Variants in KAZN observed in about 807,000 individuals in gnomAD.
KAZN encodes kazrin, periplakin interacting protein, also known as kazrin.
In KAZN, 40 loss-of-function variants were observed where a neutral mutation model predicts 87.4. That is an observed-to-expected ratio of 0.46 (90% confidence interval 0.36 to 0.60). The LOEUF (loss-of-function observed/expected upper bound fraction) is 0.60, where lower values mean the gene tolerates loss of function less well. Ranked by LOEUF, KAZN falls within the 20% of genes least tolerant of loss-of-function variation. The pLI is 0.00. For missense variants in KAZN, 898 were observed against 1,073.9 expected (o/e 0.84, Z 2.29); for synonymous variants, 466 against 458.3 (o/e 1.02, Z -0.22).
intron 2 of KAZN, among the ~76,000 whole-genome samples, chr1:14,280,253 T>A (rs2100712331): frequency 6.6e-6 from 1 of 150,566 alleles, no homozygotes; most frequent in South Asian, 2.1e-4. Context: ...TCCCAGCTAC[T>A]CAGGAGGCTG....
intron 2 of KAZN, among the ~76,000 whole-genome samples, chr1:14,465,362 G>A (rs1668066176): frequency 7.6e-6 from 1 of 131,532 alleles, no homozygotes; most frequent in African/African-American, 2.9e-5. Flanking sequence ...TTGTGCCACT[G>A]CACTCCAGCC....
At chr1:14,483,031 A>AAGG (rs1417352587) in intron 2 of KAZN, among the ~76,000 whole-genome samples, 1 of 152,202 alleles carries the variant, frequency 6.6e-6, no homozygotes, top group African/African-American at 2.4e-5. Context: ...GAATATATGC[A>AAGG]AAGAGCTTTT....
chr1:14,093,344 C>T lies in KAZN; in HGVS notation c.92-87091C>T, dbSNP rs115155333. 4.7e-3 allele frequency among the ~76,000 whole-genome samples: 719 copies of T among 152,302 alleles called. 7 individuals are homozygous for T. Among genetic ancestry groups the T allele is most frequent in the Middle Eastern group, 6.8e-3 (2 of 294 alleles). ...CACCAACCCCTGTGCTATCTTACTC[C>T]GTTTCAAATGTCATCATTTACATTT... is the stretch of plus-strand genomic sequence containing the variant. On this transcript the variant is annotated intron_variant, in intron 1 of 16. Transcript: ENST00000636203.
chr1:14,535,818 A>G (rs1401930358), intron 2 of KAZN, among the ~76,000 whole-genome samples: 1 of 152,182 alleles, frequency 6.6e-6, no homozygotes, highest in Admixed American at 6.5e-5. Flanking sequence ...TGTCTATCAC[A>G]ATGTCAACAG....
At position 14,408,936 on chromosome 1, in the gene KAZN, G is replaced by A. The variant is rs74375334; in HGVS notation, c.250-190047G>A. ...GGGGGGCGTTGTTTTATGGAGATGGGGTCAGGAAGGATCTTGCAGAGGATA... is the reference window on the plus strand; with the variant it reads ...GGGGGGCGTTGTTTTATGGAGATGGAGTCAGGAAGGATCTTGCAGAGGATA... On this transcript the variant is annotated intron_variant, in intron 2 of 16. Coordinates refer to the KAZN transcript ENST00000636203. Among the ~76,000 whole-genome samples, 422 of 152,184 alleles carry A rather than the reference G, an allele frequency of 2.8e-3. 3 individuals are homozygous for A. Among genetic ancestry groups the A allele is most frequent in the African/African-American group, 9.1e-3 (379 of 41,522 alleles).
chr1:14,182,134 G>T (rs1410336841), intron 2 of KAZN, among the ~76,000 whole-genome samples: 2 of 151,784 alleles, frequency 1.3e-5, no homozygotes, highest in African/African-American at 4.8e-5. Context: ...ATCCCCTATC[G>T]TGTAGTCATC....
In KAZN at chr1:14,591,446, C is replaced by T. The variant is rs185620461; in HGVS notation, c.250-7537C>T. On this transcript the variant is annotated intron_variant, in intron 2 of 16. Coordinates refer to the KAZN transcript ENST00000636203. ...ACACACACACACACACACACACACACACACCAAGAAAGATTCAAGGAGGGA... is the reference window on the plus strand; with the variant it reads ...ACACACACACACACACACACACACATACACCAAGAAAGATTCAAGGAGGGA... Among the ~76,000 whole-genome samples the T allele has an allele frequency of 3.3e-3, 494 of 151,956 alleles. 3 individuals are homozygous for T. Among genetic ancestry groups the T allele is most frequent in the Middle Eastern group, 0.01 (3 of 294 alleles).
At position 15,068,088 on chromosome 1, in the gene KAZN, C is replaced by T. The variant is rs1287491576; in HGVS notation, c.1222+2335C>T. On this transcript the variant is annotated intron_variant, in intron 8 of 14. Transcript: ENST00000376030. Reference sequence around the variant, plus strand: ...AACCTTTCCCGTGGGAAAGGTTTCTCGAAGGCATGGATGCAAATATAAAAT... The same window carrying T: ...AACCTTTCCCGTGGGAAAGGTTTCTTGAAGGCATGGATGCAAATATAAAAT... 39 of 913,694 alleles carry T rather than the reference C, an allele frequency of 4.3e-5. No individual in the cohort carries two copies. In the Admixed American group the frequency reaches 2.2e-3, roughly 51 times the overall value. The allele number at this position is 913,694 out of a possible 1,614,324, so 56.6% of individuals were successfully genotyped here. A position where few individuals can be genotyped will look rare whatever the true frequency, so the allele number is the denominator to read the frequency against.
rs988937319 is a variant in KAZN at position 15,117,100 on chromosome 1, T to C, written c.*2465T>C. On this transcript the variant is annotated 3_prime_UTR_variant, in exon 15 of 15. Transcript: ENST00000376030. ...ATCAGATTGAGTGAGCTTTGTCTGC[T>C]GGAAAAACCTGAAACGTCAACTCTG... 4 of 152,210 alleles carry C rather than the reference T, an allele frequency of 2.6e-5. No individual in the cohort carries two copies. The highest frequency in any genetic ancestry group is 9.7e-5 in the African/African-American group (4 of 41,428). 9.4% of individuals were successfully genotyped at this position (152,210 alleles called of 1,614,324 possible).
chr1:14,138,982 G>A (rs1645172784), intron 1 of KAZN, among the ~76,000 whole-genome samples: 1 of 152,230 alleles, frequency 6.6e-6, no homozygotes, highest in African/African-American at 2.4e-5. Context: ...AGCACATGTG[G>A]ATGAAGTTAA....
At chr1:14,713,027 C>T (rs1167180194) in intron 1 of KAZN, among the ~76,000 whole-genome samples, 3 of 152,160 alleles carry the variant, frequency 2.0e-5, no homozygotes, top group Admixed American at 2.0e-4. Context: ...GTGGCATAGA[C>T]AGTGAGTACA....
chr1:14,638,054 C>T (rs1023940209), intron 1 of KAZN, among the ~76,000 whole-genome samples: 6 of 152,146 alleles, frequency 3.9e-5, no homozygotes, highest in African/African-American at 1.4e-4. Context: ...CTTTACCTGG[C>T]GCTCTCCCCT....
At chr1:14,877,826 A>G (rs946347971) in intron 1 of KAZN, among the ~76,000 whole-genome samples, 1 of 152,184 alleles carries the variant, frequency 6.6e-6, no homozygotes, top group African/African-American at 2.4e-5. Context: ...TTGTTATCTG[A>G]TATTCACAAT....
At chr1:14,342,598 C>T (rs191127342) in intron 2 of KAZN, among the ~76,000 whole-genome samples, 4 of 152,262 alleles carry the variant, frequency 2.6e-5, no homozygotes, top group East Asian at 3.9e-4. Flanking sequence ...CACTGAGTGC[C>T]GAACCCAATG....
At chr1:14,620,090 A>C (rs756166494) in intron 1 of KAZN, among the ~76,000 whole-genome samples, 1 of 152,216 alleles carries the variant, frequency 6.6e-6, no homozygotes, top group African/African-American at 2.4e-5. Context: ...GTACAATAGT[A>C]AGTACAGTTA....
At chr1:14,597,797 G>A (rs918034952), upstream of KAZN, among the ~76,000 whole-genome samples, 1 of 152,172 alleles carries the variant, frequency 6.6e-6, no homozygotes, top group Non-Finnish European at 1.5e-5. Context: ...TGGTAACAAG[G>A]TCTGGTGGCT....
intron 1 of KAZN, among the ~76,000 whole-genome samples, chr1:14,143,331 C>T (rs565618156): frequency 1.1e-3 from 174 of 152,310 alleles, no homozygotes; most frequent in Non-Finnish European, 2.2e-3. Flanking sequence ...AAGTCCTCCT[C>T]CCCACTATTC....
At chr1:14,389,220 T>C (rs952315744) in intron 2 of KAZN, among the ~76,000 whole-genome samples, 1 of 152,150 alleles carries the variant, frequency 6.6e-6, no homozygotes, top group Non-Finnish European at 1.5e-5. Context: ...GGTGAGGATG[T>C]TGAGAAAAAG....
chr1:15,073,369 G>T (rs537413546), intron 8 of KAZN, among the ~76,000 whole-genome samples: 2 of 152,334 alleles, frequency 1.3e-5, no homozygotes, highest in African/African-American at 4.8e-5. Context: ...GTCGCAGGAG[G>T]TCACATGGGG....
Sources: gnomAD v4.1 joint callset for allele counts (sites outside exome capture counted in the v4.1 genomes callset) on GRCh38, gnomAD v4.1.1 for gene constraint, MANE v1.5 for transcripts, NCBI Gene and HGNC (gene_info 2026-07-23, HGNC 2026-07-21) for gene names.